RIN2: variants seen among roughly 807,000 people sequenced by gnomAD.
The protein encoded by RIN2 is Ras and Rab interactor 2.
Under a neutral mutation model 78.0 loss-of-function variants are expected in RIN2, and 36 were observed. The ratio of observed to expected loss-of-function variants is 0.46; its 90% CI spans 0.35 to 0.61. RIN2 has a LOEUF of 0.61. Ranked by LOEUF, RIN2 falls within the 20% of genes least tolerant of loss-of-function variation. The pLI, the probability that RIN2 is intolerant of heterozygous loss-of-function variation, is 0.00. For synonymous variants in RIN2, 466 were observed against 466.8 expected (o/e 1.00, Z 0.02); for missense variants, 1,087 against 1,159.7 (o/e 0.94, Z 0.91).
chr20:19,899,053 G>T (rs1407967329), intron 3 of RIN2, among the ~76,000 whole-genome samples: 2 of 152,154 alleles, frequency 1.3e-5, no homozygotes, highest in Non-Finnish European at 2.9e-5. Flanking sequence ...CTATTTCCAA[G>T]TCTGAGTGTT....
At chr20:19,829,395 T>A (rs2036187676) in intron 2 of RIN2, among the ~76,000 whole-genome samples, 1 of 152,076 alleles carries the variant, frequency 6.6e-6, no homozygotes. Flanking sequence ...TGAAGGACCC[T>A]CTGTAATAAC....
At chr20:19,779,608 C>T (rs1000561119) in intron 1 of RIN2, among the ~76,000 whole-genome samples, 3 of 152,166 alleles carry the variant, frequency 2.0e-5, no homozygotes, top group Admixed American at 1.3e-4. Context: ...TTCATTCTGG[C>T]CGTGCTTGTC....
chr20:19,779,571 A>G (rs1016614678), intron 1 of RIN2, among the ~76,000 whole-genome samples: 1 of 152,226 alleles, frequency 6.6e-6, no homozygotes, highest in Non-Finnish European at 1.5e-5. Context: ...TCCAGGATCT[A>G]TGTTGACCCC....
intron 7 of RIN2, among the ~76,000 whole-genome samples, chr20:19,970,178 C>G (rs79480840): frequency 6.6e-6 from 1 of 152,250 alleles, no homozygotes; most frequent in Non-Finnish European, 1.5e-5. Context: ...GCATCAGCAT[C>G]CTCTAAGAGC....
chr20:19,831,303 A>G (rs2036245244), intron 2 of RIN2, among the ~76,000 whole-genome samples: 1 of 152,216 alleles, frequency 6.6e-6, no homozygotes, highest in South Asian at 2.1e-4. Flanking sequence ...ATTGAATTCT[A>G]GTTAGTGATA....
At chr20:19,856,767 A>G (rs549570662) in intron 2 of RIN2, among the ~76,000 whole-genome samples, 1 of 152,242 alleles carries the variant, frequency 6.6e-6, no homozygotes, top group South Asian at 2.1e-4. Flanking sequence ...GTATTTCTCC[A>G]CTGGAGCATT....
At chr20:19,778,505 C>T (rs2034390121) in intron 1 of RIN2, among the ~76,000 whole-genome samples, 1 of 152,156 alleles carries the variant, frequency 6.6e-6, no homozygotes, top group Admixed American at 6.5e-5. Context: ...AACAAATGCT[C>T]TGAGAAGTTA....
At chr20:19,898,219 T>C (rs1330045528) in intron 3 of RIN2, among the ~76,000 whole-genome samples, 2 of 152,248 alleles carry the variant, frequency 1.3e-5, no homozygotes, top group Admixed American at 6.5e-5. Flanking sequence ...TCATTTCTGA[T>C]GCTAACAGCA....
intron 1 of RIN2, among the ~76,000 whole-genome samples, chr20:19,795,374 T>C (rs1698579913): frequency 6.6e-6 from 1 of 152,188 alleles, no homozygotes; most frequent in African/African-American, 2.4e-5. Context: ...GGTTTGGCTG[T>C]TTATTGTAGT....
intron 11 of RIN2, among the ~76,000 whole-genome samples, chr20:19,994,118 G>A (rs1369245607): frequency 6.6e-6 from 1 of 152,242 alleles, no homozygotes; most frequent in Non-Finnish European, 1.5e-5. Flanking sequence ...AGAAAGACAA[G>A]GGCACAGCTA....
chr20:19,998,793 C>A (rs1329436310), intron 12 of RIN2, among the ~76,000 whole-genome samples: 2 of 152,180 alleles, frequency 1.3e-5, no homozygotes, highest in Non-Finnish European at 2.9e-5. Context: ...TCAGTGCCTG[C>A]AGACCCCTGG....
At chr20:19,821,621 T>C (rs73904808) in intron 2 of RIN2, among the ~76,000 whole-genome samples, 3,057 of 152,144 alleles carry the variant, frequency 0.02, 116 homozygotes, top group African/African-American at 0.07. Flanking sequence ...TCCAAAGCAC[T>C]TGCTCCTTTC....
intron 1 of RIN2, among the ~76,000 whole-genome samples, chr20:19,758,975 G>A (rs1358081011): frequency 6.6e-6 from 1 of 152,226 alleles, no homozygotes; most frequent in Admixed American, 6.5e-5. Context: ...GCAGCGGGCG[G>A]AGGAGGAGCC....
At chr20:19,823,493 T>G in intron 2 of RIN2, 1 of 866,376 alleles carries the variant, frequency 1.2e-6, no homozygotes, top group East Asian at 2.4e-5. Flanking sequence ...TCATCTATGA[T>G]GTCATGAGGG....
intron 2 of RIN2, among the ~76,000 whole-genome samples, chr20:19,857,528 G>A (rs1250455424): frequency 6.6e-6 from 1 of 152,200 alleles, no homozygotes; most frequent in Non-Finnish European, 1.5e-5. Context: ...TATAGAGCAA[G>A]CATAGATATT....
chr20:19,924,137 C>T (rs116368945), intron 3 of RIN2, among the ~76,000 whole-genome samples: 1,661 of 115,760 alleles, frequency 0.014, 26 homozygotes, highest in African/African-American at 0.047. Context: ...TTCATACCCC[C>T]ACCTTCATAC....
In RIN2 at chr20:19,990,256, C is replaced by G; in HGVS notation, c.2013C>G (p.Val671=). The G allele has an allele frequency of 6.2e-7, 1 of 1,613,642 alleles. No individual in the cohort carries two copies. Among genetic ancestry groups the G allele is most frequent in the Non-Finnish European group, 8.5e-7 (1 of 1,179,804 alleles). ...MQKMYSPEKK[V]MLLLRVCKLI... Reference sequence around the variant, plus strand: ...AGATGTATTCGCCGGAAAAGAAGGTCATGCTGCTGCTGCGGGTCTGCAAGC... The same window carrying G: ...AGATGTATTCGCCGGAAAAGAAGGTGATGCTGCTGCTGCGGGTCTGCAAGC... The change falls in exon 10 of 13, where the codon GTC becomes GTG. Residue 671 remains valine (V), a synonymous_variant. Transcript: ENST00000255006.
At chr20:19,774,701 C>T (rs763823339) in intron 1 of RIN2, among the ~76,000 whole-genome samples, 4 of 152,236 alleles carry the variant, frequency 2.6e-5, no homozygotes, top group Non-Finnish European at 4.4e-5. Context: ...CCCTGAATCT[C>T]CATGGCCATT....
chr20:19,932,113 A>G (rs548751734), intron 3 of RIN2, among the ~76,000 whole-genome samples: 138 of 152,390 alleles, frequency 9.1e-4, no homozygotes, highest in African/African-American at 3.3e-3. Flanking sequence ...TTAAAAGGTG[A>G]GACCTTTAAC....
Sources: allele counts gnomAD v4.1 joint callset (sites outside exome capture counted in the v4.1 genomes callset), GRCh38; gene constraint gnomAD v4.1.1; transcripts MANE v1.5; gene names NCBI Gene and HGNC (gene_info 2026-07-23, HGNC 2026-07-21).